The following THOC2 variants were observed in gnomAD, a reference collection of about 807,000 sequenced individuals.
THOC2 encodes THO complex subunit 2.
In THOC2, 10 loss-of-function variants were observed where a neutral mutation model predicts 128.4. That is an observed-to-expected ratio of 0.08 (90% confidence interval 0.05 to 0.13). The LOEUF (loss-of-function observed/expected upper bound fraction) is 0.13, where lower values mean the gene tolerates loss of function less well. THOC2 is among the 10% of genes least tolerant of loss of function. The pLI is 1.00. For synonymous variants in THOC2, 393 were observed against 396.9 expected, an observed-to-expected ratio of 0.99 and a Z score of 0.12; for missense variants, 535 against 1,155.7, an observed-to-expected ratio of 0.46 and a Z score of 7.79.
intron 32 of THOC2, 168 bp from the exon 33 acceptor site, chrX:123,619,604 A>C: frequency 2.1e-6 from 1 of 469,394 alleles, no homozygotes; most frequent in Non-Finnish European, 3.6e-6. Context: ...AAAACATGTA[A>C]TGGAATTGGA....
rs777975374 is a variant in THOC2 at position 123,682,742 on chromosome X, T to C, written c.768+3806A>G. Among the ~76,000 whole-genome samples, 24 of 112,034 alleles carry C rather than the reference T, an allele frequency of 2.1e-4. No homozygotes were observed. The South Asian group carries it at 6.0e-3, about 28-fold the overall frequency. On this transcript the variant is annotated intron_variant, in intron 8 of 38. Coordinates refer to ENST00000245838, the MANE Select transcript of THOC2 (RefSeq NM_001081550.2). The stretch of plus-strand genomic sequence containing the variant: ...AAGTAAGAATTTCTGTTTACAGATA[T>C]AGCCTCAGTACCTAGTACACTACCT...
chrX:123,626,441 A>G (rs2047273036), intron 24 of THOC2, 80 bp downstream of exon 24: 1 of 986,426 alleles, frequency 1.0e-6, no homozygotes, highest in African/African-American at 2.0e-5. Context: ...AACATAATAC[A>G]CTTTAACACC....
intron 1 of THOC2, among the ~76,000 whole-genome samples, chrX:123,713,833 G>T (rs1442931599): frequency 9.4e-6 from 1 of 106,684 alleles, no homozygotes; most frequent in Non-Finnish European, 1.9e-5. Flanking sequence ...CTCCAGCCTG[G>T]GAGACAGGAA....
intron 38 of THOC2, chrX:123,602,254 T>A (rs1344271723): frequency 8.9e-6 from 1 of 112,869 alleles, no homozygotes; most frequent in East Asian, 2.8e-4. Flanking sequence ...CCATGTATAA[T>A]CTTGATATTA....
chrX:123,693,845 T>C, intron 7 of THOC2, among the ~76,000 whole-genome samples: 1 of 110,988 alleles, frequency 9.0e-6, no homozygotes, highest in East Asian at 2.8e-4. Context: ...ACTAAGAAGG[T>C]GACATTTGAC....
chrX:123,649,115 A>G (rs1416734757), intron 12 of THOC2, among the ~76,000 whole-genome samples: 1 of 112,200 alleles, frequency 8.9e-6, no homozygotes, highest in African/African-American at 3.2e-5. Flanking sequence ...CTTCCCGAAG[A>G]AGGAAAAGAC....
Position 123,732,995 on chromosome X carries a change from C to A in THOC2, c.28G>T (p.Ala10Ser), listed in dbSNP as rs749306114. 2.0e-5 allele frequency: 24 copies of A among 1,209,955 alleles called. No homozygotes were observed. The highest frequency in any genetic ancestry group is 2.5e-5 in the Non-Finnish European group (22 of 895,071). Residue 10 changes from alanine (A) to serine (S), a missense_variant, in exon 1 of 39, where the codon GCA becomes TCA. Around this residue, in one of 9 missense-constraint regions of THOC2, gnomAD observed 61 missense variants for 84.3 expected, o/e 0.72. Coordinates refer to ENST00000245838, the MANE Select transcript of THOC2 (RefSeq NM_001081550.2). ...TTCTCCCAGTTCTTTATCCACTCTG[C>A]GGGAACCACCACAGCCGCGGCCGCC... is the stretch of plus-strand genomic sequence containing the variant. MAAAAVVVP[A>S]EWIKNWEKSG...
intron 12 of THOC2, among the ~76,000 whole-genome samples, chrX:123,647,568 G>A (rs1198428120): frequency 9.0e-6 from 1 of 111,023 alleles, no homozygotes; most frequent in Non-Finnish European, 1.9e-5. Flanking sequence ...AGGCACGGTG[G>A]CTGACGCCTG....
At chrX:123,623,500 G>T in intron 28 of THOC2, 2 of 510,791 alleles carry the variant, frequency 3.9e-6, no homozygotes, top group East Asian at 4.5e-5. Context: ...AACTAAGATG[G>T]CTTTTTTTTT....
chrX:123,709,615 A>C (rs7063492), intron 2 of THOC2, among the ~76,000 whole-genome samples: 12 of 111,494 alleles, frequency 1.1e-4, no homozygotes, highest in African/African-American at 3.9e-4. Context: ...CCGAGAAGGT[A>C]CTTCTAGAGA....
At chrX:123,728,673 T>C (rs778509640) in intron 1 of THOC2, among the ~76,000 whole-genome samples, 6 of 111,059 alleles carry the variant, frequency 5.4e-5, no homozygotes, top group Non-Finnish European at 1.1e-4. Context: ...CCAAATATAC[T>C]TAAATAAGTT....
intron 12 of THOC2, among the ~76,000 whole-genome samples, chrX:123,664,424 C>T (rs752647870): frequency 1.5e-4 from 17 of 112,362 alleles, no homozygotes; most frequent in African/African-American, 5.5e-4. Flanking sequence ...TGGCAACCTA[C>T]AGAATGGTAG....
At chrX:123,666,039 TA>T in intron 11 of THOC2, among the ~76,000 whole-genome samples, 1 of 110,265 alleles carries the variant, frequency 9.1e-6, no homozygotes, top group African/African-American at 3.3e-5. Context: ...TAGAAACACA[TA>T]AAAACAACAG....
At chrX:123,699,750 A>G (rs2050614598) in intron 4 of THOC2, among the ~76,000 whole-genome samples, 1 of 111,961 alleles carries the variant, frequency 8.9e-6, no homozygotes, top group African/African-American at 3.2e-5. Flanking sequence ...TTACTCTCTG[A>G]GGGTTTGTGA....
In THOC2 at chrX:123,645,198, C is replaced by T. The variant is rs1265935868; in HGVS notation, c.1428+136G>A. On this transcript the variant is annotated intron_variant, in intron 13 of 38. Transcript: ENST00000245838. ...TTAAAAGATAACTTTGCATATGCCG[C>T]CAAAAACTATAATCAGCATCTACAT... 5 of 479,385 alleles carry T rather than the reference C, an allele frequency of 1.0e-5. No homozygotes were observed. The Admixed American group carries it at 2.5e-4, about 24-fold the overall frequency. 39.5% of individuals were successfully genotyped at this position (479,385 alleles called of 1,213,427 possible).
chrX:123,635,002 G>C (rs1390990015), intron 19 of THOC2, among the ~76,000 whole-genome samples: 1 of 111,716 alleles, frequency 9.0e-6, no homozygotes, highest in Non-Finnish European at 1.9e-5. Flanking sequence ...CATAAAGTCA[G>C]ACATACCCAA....
chrX:123,718,779 C>CAGGAA (rs776858448), intron 1 of THOC2, among the ~76,000 whole-genome samples: 1 of 110,179 alleles, frequency 9.1e-6, no homozygotes, highest in South Asian at 3.8e-4. Flanking sequence ...AGTTTCTACA[C>CAGGAA]AGGAAAGGAA....
At chrX:123,694,802 G>C (rs1029913353) in intron 7 of THOC2, among the ~76,000 whole-genome samples, 1 of 110,081 alleles carries the variant, frequency 9.1e-6, no homozygotes, top group African/African-American at 3.3e-5. Context: ...GCCAGAACTA[G>C]ATTAACTTCA....
At chrX:123,668,515 T>C (rs2049135027) in intron 9 of THOC2, among the ~76,000 whole-genome samples, 1 of 112,381 alleles carries the variant, frequency 8.9e-6, no homozygotes, top group Non-Finnish European at 1.9e-5. Context: ...CCTTTTAAAA[T>C]CAAGTCGCAG....
Sources: allele counts gnomAD v4.1 joint callset (sites outside exome capture counted in the v4.1 genomes callset), GRCh38; gene constraint gnomAD v4.1.1; regional missense constraint gnomAD v4.1.1; transcripts MANE v1.5; gene names NCBI Gene and HGNC (gene_info 2026-07-23, HGNC 2026-07-21).